The following LRRC74A variants were observed in gnomAD, a reference collection of about 807,000 sequenced individuals.
LRRC74A encodes the protein leucine-rich repeat-containing protein 74A.
LRRC74A carries 44 observed loss-of-function variants against 57.9 expected under a neutral mutation model. The observed-to-expected ratio is 0.76, with a 90% CI of 0.60 to 0.98. LRRC74A has a LOEUF of 0.98. Ranked by LOEUF, LRRC74A falls within the 50% of genes least tolerant of loss-of-function variation. LRRC74A has a pLI of 0.00. For missense variants in LRRC74A, 572 were observed against 574.0 expected (o/e 1.00, Z 0.04); for synonymous variants, 211 against 219.4 (o/e 0.96, Z 0.34).
intron 9 of LRRC74A, among the ~76,000 whole-genome samples, chr14:76,857,017 G>A (rs986700099): frequency 6.2e-5 from 9 of 146,332 alleles, no homozygotes; most frequent in East Asian, 4.1e-4. Context: ...ATGGATAGGC[G>A]GATGGATGAG....
intron 8 of LRRC74A, among the ~76,000 whole-genome samples, chr14:76,852,751 T>TGA (rs943729820): frequency 6.6e-5 from 10 of 151,842 alleles, no homozygotes; most frequent in Non-Finnish European, 7.4e-5. Flanking sequence ...CCTGAGTAGC[T>TGA]GAGACTACAG....
intron 1 of LRRC74A, 133 bp downstream of exon 1, chr14:76,826,867 A>G: frequency 1.8e-6 from 1 of 540,954 alleles, no homozygotes; most frequent in South Asian, 1.7e-5. Flanking sequence ...GATTTGTTAT[A>G]CTGACTTGGG....
intron 7 of LRRC74A, among the ~76,000 whole-genome samples, chr14:76,851,670 CTT>C (rs35857490): frequency 1.5e-4 from 20 of 129,822 alleles, no homozygotes; most frequent in Non-Finnish European, 1.3e-4. Context: ...ATAATTCTCA[CTT>C]TTTTTTTTTT....
chr14:76,836,175 T>C (rs1305486562), intron 3 of LRRC74A, 32 bp from the exon 4 acceptor site: 1 of 1,530,846 alleles, frequency 6.5e-7, no homozygotes, highest in African/African-American at 1.4e-5. Flanking sequence ...ACCACTTCTG[T>C]GTCTCTCTCC....
At chr14:76,831,948 A>G (rs564909555) in intron 3 of LRRC74A, among the ~76,000 whole-genome samples, 6 of 152,230 alleles carry the variant, frequency 3.9e-5, no homozygotes, top group Non-Finnish European at 8.8e-5. Context: ...ATTTACACAC[A>G]AAACTGACTC....
At chr14:76,849,153 T>C (rs994018233) in intron 7 of LRRC74A, among the ~76,000 whole-genome samples, 8 of 152,106 alleles carry the variant, frequency 5.3e-5, no homozygotes, top group Admixed American at 2.6e-4. Context: ...CTGTGCTCTC[T>C]CTTTTGTTTT....
chr14:76,831,734 C>T (rs1895989755), intron 3 of LRRC74A, among the ~76,000 whole-genome samples: 1 of 152,198 alleles, frequency 6.6e-6, no homozygotes, highest in East Asian at 1.9e-4. Flanking sequence ...CCTGGGTCTT[C>T]ATTCCAAAGC....
At position 76,840,636 on chromosome 14, in the gene LRRC74A, G is replaced by T. The variant is rs550572822; in HGVS notation, c.544+2665G>T. Among the ~76,000 whole-genome samples, 15 of 143,062 alleles carry T rather than the reference G, an allele frequency of 1.0e-4. No individual in the cohort carries two copies. In the South Asian group the frequency reaches 2.4e-3, roughly 23 times the overall value. The allele number at this position is 143,062 out of a possible 152,430, so 93.9% of individuals were successfully genotyped here. A position where few individuals can be genotyped will look rare whatever the true frequency, so the allele number is the denominator to read the frequency against. ...GTCTCACTGTCACCCAGGCTGGAGT[G>T]CAGTGGCACAATCTCGGCTCACTGC... is the stretch of plus-strand genomic sequence containing the variant. On this transcript the variant is annotated intron_variant, in intron 5 of 13. Transcript: ENST00000689127.
At chr14:76,827,858 C>A (rs1406422033) in intron 1 of LRRC74A, among the ~76,000 whole-genome samples, 1 of 152,272 alleles carries the variant, frequency 6.6e-6, no homozygotes, top group African/African-American at 2.4e-5. Flanking sequence ...ACCTCCCCTG[C>A]CCTGCCCTGC....
chr14:76,849,578 G>T (rs1897304769), intron 7 of LRRC74A, among the ~76,000 whole-genome samples: 1 of 151,492 alleles, frequency 6.6e-6, no homozygotes, highest in Non-Finnish European at 1.5e-5. Context: ...GAGGCGGGTG[G>T]ATCACCTGAG....
intron 9 of LRRC74A, among the ~76,000 whole-genome samples, chr14:76,855,484 A>G (rs920623059): frequency 2.3e-4 from 35 of 152,226 alleles, no homozygotes; most frequent in African/African-American, 7.7e-4. Context: ...ATATATTTCA[A>G]TTTTCTAAAA....
intron 5 of LRRC74A, among the ~76,000 whole-genome samples, chr14:76,842,163 G>A (rs564444578): frequency 1.3e-5 from 2 of 151,794 alleles, no homozygotes; most frequent in African/African-American, 4.8e-5. Context: ...GGTCATTACC[G>A]GTGTGTCTGA....
At chr14:76,836,602 C>A (rs554874260) in intron 4 of LRRC74A, among the ~76,000 whole-genome samples, 3 of 152,132 alleles carry the variant, frequency 2.0e-5, no homozygotes, top group African/African-American at 7.2e-5. Flanking sequence ...GAGTTCAAAC[C>A]CAGCCTGGCC....
At chr14:76,863,069 G>T (rs1472432146) in intron 11 of LRRC74A, among the ~76,000 whole-genome samples, 3 of 152,154 alleles carry the variant, frequency 2.0e-5, no homozygotes, top group African/African-American at 7.2e-5. Flanking sequence ...TGGAATGATG[G>T]CTTGGCTGAG....
chr14:76,852,372 C>T lies in LRRC74A; in HGVS notation c.684C>T (p.Asn228=), dbSNP rs377184411. The change falls in exon 8 of 14, where the codon AAC becomes AAT. Residue 228 remains asparagine (N), a synonymous_variant. Coordinates refer to ENST00000689127, the MANE Select transcript of LRRC74A (RefSeq NM_001385106.1). The stretch of plus-strand genomic sequence containing the variant: ...ATTCCCTCCCTGTTTCAGCCATCAA[C>T]GTGGGGCTCACGTCACTGGATCTGA... ...GEHLGQMLAI[N]VGLTSLDLSW... The T allele has an allele frequency of 4.5e-5, 72 of 1,609,876 alleles. No individual in the cohort carries two copies. Among genetic ancestry groups the T allele is most frequent in the Admixed American group, 5.0e-5 (3 of 59,824 alleles).
At chr14:76,843,487 A>G (rs910920385) in intron 5 of LRRC74A, among the ~76,000 whole-genome samples, 1 of 151,946 alleles carries the variant, frequency 6.6e-6, no homozygotes, top group Admixed American at 6.6e-5. Flanking sequence ...AACTTGGATG[A>G]GCATTTTTAG....
chr14:76,835,586 A>T (rs1896271188), intron 3 of LRRC74A, among the ~76,000 whole-genome samples: 1 of 152,074 alleles, frequency 6.6e-6, no homozygotes, highest in Non-Finnish European at 1.5e-5. Context: ...GTCACCTCCT[A>T]GTAAAGAGAG....
chr14:76,856,504 CTGGATGGATGGATGGATGGA>C (rs35536797), intron 9 of LRRC74A, among the ~76,000 whole-genome samples: 9 of 145,554 alleles, frequency 6.2e-5, no homozygotes, highest in African/African-American at 1.3e-4. Context: ...TTAATATGTG[CTGGATGGATGGATGGATGGA>C]TGGATGGATG....
At chr14:76,833,958 G>C (rs938954293) in intron 3 of LRRC74A, among the ~76,000 whole-genome samples, 1 of 152,160 alleles carries the variant, frequency 6.6e-6, no homozygotes, top group Non-Finnish European at 1.5e-5. Context: ...GTGAACTACT[G>C]TAATCACTGT....
Sources: allele counts gnomAD v4.1 joint callset (sites outside exome capture counted in the v4.1 genomes callset), GRCh38; gene constraint gnomAD v4.1.1; transcripts MANE v1.5; gene names NCBI Gene and HGNC (gene_info 2026-07-23, HGNC 2026-07-21).